Variants in ACSS3 observed in about 807,000 individuals in gnomAD.
ACSS3 encodes acyl-CoA synthetase short chain family member 3.
ACSS3 carries 64 observed loss-of-function variants against 84.2 expected under a neutral mutation model. The observed-to-expected ratio is 0.76, with a 90% CI of 0.62 to 0.94. The LOEUF (loss-of-function observed/expected upper bound fraction) is 0.94. ACSS3 is among the 40% of genes least tolerant of loss of function. The pLI, the probability that ACSS3 is intolerant of heterozygous loss-of-function variation, is 0.00. For missense variants in ACSS3, 815 were observed against 867.6 expected, an observed-to-expected ratio of 0.94 and a Z score of 0.76; for synonymous variants, 317 against 310.1, an observed-to-expected ratio of 1.02 and a Z score of -0.23.
At chr12:81,172,455 G>A (rs1247694300) in intron 7 of ACSS3, among the ~76,000 whole-genome samples, 1 of 151,828 alleles carries the variant, frequency 6.6e-6, no homozygotes, top group Non-Finnish European at 1.5e-5. Flanking sequence ...TTCTTTAGGG[G>A]CTGTCTCATC....
intron 8 of ACSS3, among the ~76,000 whole-genome samples, chr12:81,181,269 T>A (rs1342413199): frequency 9.9e-5 from 15 of 152,080 alleles, no homozygotes. Context: ...GCATCTGCAG[T>A]CATCACTAAC....
At chr12:81,246,210 G>A (rs1260689838) in intron 13 of ACSS3, among the ~76,000 whole-genome samples, 1 of 152,188 alleles carries the variant, frequency 6.6e-6, no homozygotes, top group African/African-American at 2.4e-5. Flanking sequence ...GTGTGGAGAA[G>A]GGAAGGGGCA....
chr12:81,186,606 A>G (rs1333322114), intron 8 of ACSS3, among the ~76,000 whole-genome samples: 1 of 151,934 alleles, frequency 6.6e-6, no homozygotes, highest in Non-Finnish European at 1.5e-5. Context: ...GCATATGGAA[A>G]GGTGTTCAAC....
intron 10 of ACSS3, among the ~76,000 whole-genome samples, chr12:81,218,376 T>C (rs1180462290): frequency 6.6e-6 from 1 of 152,218 alleles, no homozygotes; most frequent in African/African-American, 2.4e-5. Context: ...TGTTTCTTAT[T>C]TGCATATAAA....
At chr12:81,176,273 C>G (rs1037488047) in intron 8 of ACSS3, among the ~76,000 whole-genome samples, 1 of 152,138 alleles carries the variant, frequency 6.6e-6, no homozygotes, top group Non-Finnish European at 1.5e-5. Context: ...TGAAAACATA[C>G]AATCTCTTGA....
At chr12:81,205,722 A>T (rs2032317603) in intron 9 of ACSS3, among the ~76,000 whole-genome samples, 1 of 151,936 alleles carries the variant, frequency 6.6e-6, no homozygotes, top group Admixed American at 6.6e-5. Context: ...ATGTTGATAC[A>T]CTGAATTGCA....
At chr12:81,079,176 C>T (rs766878501) in intron 1 of ACSS3, among the ~76,000 whole-genome samples, 9 of 152,166 alleles carry the variant, frequency 5.9e-5, no homozygotes, top group Non-Finnish European at 1.0e-4. Context: ...GGAGTAAAGT[C>T]TTCCACCTGG....
chr12:81,207,320 T>C (rs963245428), intron 9 of ACSS3, among the ~76,000 whole-genome samples: 1 of 152,142 alleles, frequency 6.6e-6, no homozygotes, highest in Non-Finnish European at 1.5e-5. Flanking sequence ...CAATTCCTCT[T>C]TTGCTGTGAA....
In ACSS3 at chr12:81,139,152, T is replaced by C; in HGVS notation, c.667T>C (p.Ser223Pro). Residue 223 changes from serine to proline, a missense_variant, in exon 4 of 16, where the codon TCA (serine) becomes CCA (proline). Physicochemically the swap from Ser to Pro is moderately conservative, Grantham distance 74 (BLOSUM62 -1). Coordinates refer to ENST00000548058, the MANE Select transcript of ACSS3 (RefSeq NM_024560.4). ...HVKPKVVVTA[S>P]FGIEPGRRVE... ...GTAGCCCAAGGTGGTTGTTACAGCA[T>C]CATTTGGCATTGAACCTGGAAGGAG... The C allele has an allele frequency of 6.2e-7, 1 of 1,613,726 alleles. No individual in the cohort carries two copies. Among genetic ancestry groups the C allele is most frequent in the Non-Finnish European group, 8.5e-7 (1 of 1,179,706 alleles).
chr12:81,135,073 A>G (rs1213360633), intron 3 of ACSS3, 69 bp downstream of exon 3: 2 of 1,333,438 alleles, frequency 1.5e-6, no homozygotes, highest in Non-Finnish European at 1.0e-6. Context: ...CTGTGGATGA[A>G]TCATCTGAGA....
intron 13 of ACSS3, among the ~76,000 whole-genome samples, chr12:81,241,203 T>C (rs890857294): frequency 1.5e-4 from 23 of 152,068 alleles, no homozygotes; most frequent in Non-Finnish European, 3.4e-4. Context: ...CCATGGTATA[T>C]GTGTGCCACA....
At chr12:81,234,982 G>C (rs371638600) in intron 13 of ACSS3, among the ~76,000 whole-genome samples, 1 of 151,020 alleles carries the variant, frequency 6.6e-6, no homozygotes, top group Non-Finnish European at 1.5e-5. Context: ...TCCTAACTCA[G>C]CATCACAAAG....
intron 2 of ACSS3, among the ~76,000 whole-genome samples, chr12:81,132,938 G>T (rs940514259): frequency 7.9e-5 from 12 of 151,992 alleles, no homozygotes; most frequent in Admixed American, 7.9e-4. Flanking sequence ...GAGATGTTTG[G>T]ATATAACTTT....
intron 1 of ACSS3, among the ~76,000 whole-genome samples, chr12:81,102,760 C>T (rs577327947): frequency 5.0e-4 from 75 of 150,878 alleles, no homozygotes; most frequent in African/African-American, 1.8e-3. Context: ...GCCTGGGAGA[C>T]GGAGGTTGCA....
chr12:81,139,414 C>A, intron 4 of ACSS3, 149 bp downstream of exon 4: 1 of 921,420 alleles, frequency 1.1e-6, no homozygotes, highest in Non-Finnish European at 1.6e-6. Flanking sequence ...ATGAATAAGA[C>A]TTACTGACTT....
chr12:81,204,708 C>G (rs1300905297), intron 9 of ACSS3, among the ~76,000 whole-genome samples: 1 of 152,098 alleles, frequency 6.6e-6, no homozygotes, highest in East Asian at 1.9e-4. Flanking sequence ...CAGGACACTA[C>G]CTGTGTACTT....
chr12:81,104,439 T>C (rs1046160604), intron 1 of ACSS3, among the ~76,000 whole-genome samples: 4 of 152,144 alleles, frequency 2.6e-5, no homozygotes, highest in Non-Finnish European at 5.9e-5. Context: ...AAAGACCTGC[T>C]GGAGAGTCTA....
intron 11 of ACSS3, among the ~76,000 whole-genome samples, chr12:81,226,869 A>G (rs1177949748): frequency 2.0e-5 from 3 of 151,808 alleles, no homozygotes; most frequent in Non-Finnish European, 4.4e-5. Flanking sequence ...AGATCCAATT[A>G]CATCTTTTGT....
intron 5 of ACSS3, among the ~76,000 whole-genome samples, chr12:81,150,568 A>C (rs946937051): frequency 1.3e-5 from 2 of 152,192 alleles, no homozygotes; most frequent in African/African-American, 4.8e-5. Flanking sequence ...TCCCATGGAG[A>C]TCAACAGGGC....
Sources: allele counts gnomAD v4.1 joint callset (sites outside exome capture counted in the v4.1 genomes callset), GRCh38; gene constraint gnomAD v4.1.1; transcripts MANE v1.5; gene names NCBI Gene and HGNC (gene_info 2026-07-23, HGNC 2026-07-21).